Variants in ROBO2 observed in about 807,000 individuals in gnomAD.
ROBO2 encodes the protein roundabout guidance receptor 2, also known as roundabout homolog 2.
In ROBO2, 53 loss-of-function variants were observed where a neutral mutation model predicts 160.8. The observed-to-expected ratio is 0.33, with a 90% CI of 0.26 to 0.41. ROBO2 has a LOEUF of 0.41. Ranked by LOEUF, ROBO2 falls within the 10% of genes least tolerant of loss-of-function variation. The probability of loss-of-function intolerance (pLI) is 1.00; values close to 1 mark genes in which losing one functional copy is unlikely to be tolerated. For missense variants in ROBO2, 1,577 were observed against 1,722.4 expected (o/e 0.92, Z 1.49); for synonymous variants, 664 against 611.7 (o/e 1.09, Z -1.26).
intron 2 of ROBO2, among the ~76,000 whole-genome samples, chr3:76,746,086 TG>T (rs2093886036): frequency 6.6e-6 from 1 of 151,016 alleles, no homozygotes; most frequent in Non-Finnish European, 1.5e-5. Context: ...ATACAGTGTT[TG>T]GTTTTTTGTT....
intron 2 of ROBO2, among the ~76,000 whole-genome samples, chr3:76,423,822 C>T (rs2076096975): frequency 6.6e-6 from 1 of 152,070 alleles, no homozygotes; most frequent in African/African-American, 2.4e-5. Flanking sequence ...GATGGCAAGA[C>T]TTGAGATAAA....
intron 24 of ROBO2, 79 bp from the exon 27 acceptor site, chr3:77,644,625 G>A: frequency 9.0e-6 from 11 of 1,218,064 alleles, no homozygotes; most frequent in Non-Finnish European, 1.3e-5. Context: ...GCCATTCACA[G>A]TGTTATATTC....
Position 77,297,037 on chromosome 3 carries a change from A to T in ROBO2, c.389-180377A>T, listed in dbSNP as rs75954414. 2.8e-3 allele frequency among the ~76,000 whole-genome samples: 402 copies of T among 146,144 alleles called. 3 individuals are homozygous for T. The highest frequency in any genetic ancestry group is 8.5e-3 in the African/African-American group (326 of 38,194). ...TAAGTTGTTCATGGAGAAACTAAAA[A>T]TTTTTTTTTTTTAGTCTGGAGTTAT... On this transcript the variant is annotated intron_variant, in intron 2 of 25. Transcript: ENST00000461745.
chr3:76,360,528 A>G (rs1290684456), intron 2 of ROBO2, among the ~76,000 whole-genome samples: 1 of 152,144 alleles, frequency 6.6e-6, no homozygotes, highest in Non-Finnish European at 1.5e-5. Flanking sequence ...ACTTTTAAAC[A>G]AAATAAACTT....
At chr3:77,164,919 C>T (rs1293857944) in intron 2 of ROBO2, among the ~76,000 whole-genome samples, 1 of 114,282 alleles carries the variant, frequency 8.8e-6, no homozygotes, top group African/African-American at 3.0e-5. Context: ...GCCAGCCGCC[C>T]CGTCCGGGAG....
intron 2 of ROBO2, among the ~76,000 whole-genome samples, chr3:76,200,746 A>G (rs1702484095): frequency 1.3e-5 from 2 of 152,148 alleles, no homozygotes; most frequent in African/African-American, 2.4e-5. Flanking sequence ...GTAGGGTGGC[A>G]AGAAGCATCA....
intron 2 of ROBO2, among the ~76,000 whole-genome samples, chr3:76,437,820 C>G (rs1416552233): frequency 6.6e-6 from 1 of 152,072 alleles, no homozygotes; most frequent in Non-Finnish European, 1.5e-5. Context: ...ACCCTTTTTC[C>G]ATGTCATTAG....
chr3:75,928,515 G>A (rs980126605), intron 1 of ROBO2, among the ~76,000 whole-genome samples: 23 of 152,096 alleles, frequency 1.5e-4, no homozygotes, highest in African/African-American at 5.6e-4. Flanking sequence ...AAGCCTCACA[G>A]GCAGGTTGTT....
chr3:75,922,059 C>A (rs72886534), intron 1 of ROBO2, among the ~76,000 whole-genome samples: 4 of 152,000 alleles, frequency 2.6e-5, no homozygotes, highest in African/African-American at 9.7e-5. Flanking sequence ...TGCTTGAATT[C>A]GCATAATTTC....
At chr3:77,579,010 T>C (rs2093842299) in intron 15 of ROBO2, among the ~76,000 whole-genome samples, 1 of 152,138 alleles carries the variant, frequency 6.6e-6, no homozygotes, top group South Asian at 2.1e-4. Flanking sequence ...ACAGATACCA[T>C]ATATCAATAA....
At chr3:76,019,047 C>T (rs1394091934) in intron 2 of ROBO2, among the ~76,000 whole-genome samples, 2,080 of 79,554 alleles carry the variant, frequency 0.026, no homozygotes, top group Middle Eastern at 0.14. Flanking sequence ...TTCCTTGGAA[C>T]TGGCTAATAT....
rs567686497 is a variant in ROBO2 at position 76,640,097 on chromosome 3, C to T, written c.110-457917C>T. On this transcript the variant is annotated intron_variant, in intron 2 of 26. Transcript: ENST00000487694. The stretch of plus-strand genomic sequence containing the variant: ...ACTTGAACAAATAAGTGACTATATA[C>T]GATACGATGAGAGCCATATTCTTTG... Among the ~76,000 whole-genome samples the T allele has an allele frequency of 7.9e-5, 12 of 152,186 alleles. No individual in the cohort carries two copies. In the South Asian group the frequency reaches 2.3e-3, roughly 29 times the overall value.
chr3:76,926,429 C>CT (rs1480388142), intron 2 of ROBO2, among the ~76,000 whole-genome samples: 2 of 152,120 alleles, frequency 1.3e-5, no homozygotes. Flanking sequence ...CCTTTAGGTT[C>CT]TTTTAGAGAT....
At position 76,616,319 on chromosome 3, in the gene ROBO2, G is replaced by A. The variant is rs113727548; in HGVS notation, c.110-481695G>A. Reference sequence around the variant, plus strand: ...GGAAAATTTTAAAAGCTGAGTTAATGTAGAAACTATAAAAGCTCAAGAGAG... The same window carrying A: ...GGAAAATTTTAAAAGCTGAGTTAATATAGAAACTATAAAAGCTCAAGAGAG... On this transcript the variant is annotated intron_variant, in intron 2 of 26. Coordinates refer to the ROBO2 transcript ENST00000487694. Among the ~76,000 whole-genome samples, 492 of 152,250 alleles carry A rather than the reference G, an allele frequency of 3.2e-3. 3 individuals carry two copies. Among genetic ancestry groups the A allele is most frequent in the African/African-American group, 0.011 (467 of 41,560 alleles).
At chr3:75,929,562 C>T (rs778135369) in intron 1 of ROBO2, among the ~76,000 whole-genome samples, 2 of 152,150 alleles carry the variant, frequency 1.3e-5, no homozygotes, top group Non-Finnish European at 2.9e-5. Context: ...TCTTGGTTCC[C>T]ATTACAACTT....
intron 2 of ROBO2, among the ~76,000 whole-genome samples, chr3:76,882,449 T>C (rs2073448382): frequency 6.6e-6 from 1 of 152,130 alleles, no homozygotes; most frequent in Non-Finnish European, 1.5e-5. Flanking sequence ...CTTTCAGGAC[T>C]CGGTCACTCC....
intron 2 of ROBO2, among the ~76,000 whole-genome samples, chr3:77,148,141 G>A (rs2077259774): frequency 6.6e-6 from 1 of 152,206 alleles, no homozygotes; most frequent in Non-Finnish European, 1.5e-5. Context: ...TGGCTGAATT[G>A]GTAAATTTTA....
Position 76,631,355 on chromosome 3 carries a change from G to A in ROBO2, c.110-466659G>A, listed in dbSNP as rs551312597. The stretch of plus-strand genomic sequence containing the variant: ...CATCTTTTGTTGGCGTTAAAATGCG[G>A]GAGCCTCTGGTAAAGATTCCCTTGC... On this transcript the variant is annotated intron_variant, in intron 2 of 26. Transcript: ENST00000487694. 2.6e-5 allele frequency among the ~76,000 whole-genome samples: 4 copies of A among 152,196 alleles called. No individual in the cohort carries two copies. In the South Asian group the frequency reaches 6.2e-4, roughly 24 times the overall value.
At chr3:76,367,538 C>T (rs1164576681) in intron 2 of ROBO2, among the ~76,000 whole-genome samples, 2 of 151,936 alleles carry the variant, frequency 1.3e-5, no homozygotes, top group Non-Finnish European at 2.9e-5. Context: ...AAATTTACCA[C>T]AGTGAAATGC....
Sources: gnomAD v4.1 joint callset for allele counts (sites outside exome capture counted in the v4.1 genomes callset) on GRCh38, gnomAD v4.1.1 for gene constraint, MANE v1.5 for transcripts, NCBI Gene and HGNC (gene_info 2026-07-23, HGNC 2026-07-21) for gene names.